DPP10: variants seen among roughly 807,000 people sequenced by gnomAD.
DPP10 encodes inactive dipeptidyl peptidase 10.
In DPP10, 33 loss-of-function variants were observed where a neutral mutation model predicts 120.9. The observed-to-expected ratio is 0.27, with a 90% confidence interval of 0.21 to 0.37. DPP10 has a LOEUF of 0.37. DPP10 is among the 10% of genes least tolerant of loss of function. The probability of loss-of-function intolerance (pLI) is 1.00; values close to 1 mark genes in which losing one functional copy is unlikely to be tolerated. For missense variants in DPP10, 816 were observed against 942.8 expected, an observed-to-expected ratio of 0.87 and a Z score of 1.76; for synonymous variants, 337 against 326.1, an observed-to-expected ratio of 1.03 and a Z score of -0.36.
At chr2:114,956,986 CAAA>C (rs764400761) in intron 1 of DPP10, among the ~76,000 whole-genome samples, 1 of 106,968 alleles carries the variant, frequency 9.3e-6, no homozygotes, top group Non-Finnish European at 1.9e-5. Flanking sequence ...TAAAACTATT[CAAA>C]AAAAAAAAAA....
Position 115,044,722 on chromosome 2 carries a change from A to G in DPP10, c.61-264517A>G, listed in dbSNP as rs552594286. Among the ~76,000 whole-genome samples the G allele has an allele frequency of 2.6e-3, 399 of 152,278 alleles. 2 individuals are homozygous for G. The highest frequency in any genetic ancestry group is 3.8e-3 in the Non-Finnish European group (261 of 68,016). On this transcript the variant is annotated intron_variant, in intron 1 of 25. Coordinates refer to ENST00000410059, the MANE Select transcript of DPP10 (RefSeq NM_020868.6). ...GATCTTATTCATTCTATCTAATTAT[A>G]TTTAGGTACTCGTTAACCATTCTCA... is the stretch of plus-strand genomic sequence containing the variant.
intron 1 of DPP10, among the ~76,000 whole-genome samples, chr2:114,942,277 A>T (rs1696962446): frequency 6.9e-6 from 1 of 144,230 alleles, no homozygotes; most frequent in Admixed American, 7.1e-5. Flanking sequence ...TGTCTCAAAA[A>T]AAAAAATGTG....
chr2:114,963,832 G>A (rs1023491960), intron 1 of DPP10, among the ~76,000 whole-genome samples: 4 of 152,202 alleles, frequency 2.6e-5, no homozygotes, highest in African/African-American at 9.6e-5. Context: ...AGCTAGATAA[G>A]AAGTGAAGTC....
chr2:114,867,939 A>G (rs184935508), intron 1 of DPP10, among the ~76,000 whole-genome samples: 95 of 152,352 alleles, frequency 6.2e-4, no homozygotes, highest in Admixed American at 1.6e-3. Flanking sequence ...TTAGATCTGA[A>G]TATGGAGTTA....
intron 1 of DPP10, among the ~76,000 whole-genome samples, chr2:115,240,372 CAT>C (rs573092517): frequency 4.6e-5 from 7 of 152,226 alleles, no homozygotes; most frequent in African/African-American, 9.6e-5. Context: ...AGCTTTTTTT[CAT>C]ATGTTTGTTG....
At chr2:115,049,786 G>T (rs748226062) in intron 1 of DPP10, among the ~76,000 whole-genome samples, 1 of 152,128 alleles carries the variant, frequency 6.6e-6, no homozygotes, top group Non-Finnish European at 1.5e-5. Context: ...AGTTCTCATG[G>T]TTCCCTTTTC....
At chr2:114,943,056 C>T (rs1181256095) in intron 1 of DPP10, among the ~76,000 whole-genome samples, 1 of 152,050 alleles carries the variant, frequency 6.6e-6, no homozygotes, top group East Asian at 1.9e-4. Context: ...TCTAGCCCTC[C>T]ACCCCCCAGC....
chr2:114,838,535 G>C (rs1687914808), intron 1 of DPP10, among the ~76,000 whole-genome samples: 1 of 152,042 alleles, frequency 6.6e-6, no homozygotes, highest in Non-Finnish European at 1.5e-5. Flanking sequence ...AGTTGGTCTT[G>C]AACTTCTGAC....
At chr2:114,568,161 G>GT (rs1334893288) in intron 1 of DPP10, among the ~76,000 whole-genome samples, 2 of 151,176 alleles carry the variant, frequency 1.3e-5, no homozygotes, top group Admixed American at 6.6e-5. Context: ...CTTCCCCATA[G>GT]TTTTTTTTCT....
rs1699057759 is a variant in DPP10 at position 114,966,707 on chromosome 2, C to A, written c.61-342532C>A. The stretch of plus-strand genomic sequence containing the variant: ...TATGATCTTGACCAGAGGAATTTCA[C>A]CTCAAAGGTGGAGGCAAAATCATGA... On this transcript the variant is annotated intron_variant, in intron 1 of 25. Coordinates refer to ENST00000410059, the MANE Select transcript of DPP10 (RefSeq NM_020868.6). 2.0e-5 allele frequency among the ~76,000 whole-genome samples: 3 copies of A among 152,192 alleles called. No individual in the cohort carries two copies. The South Asian group carries it at 6.2e-4, about 31-fold the overall frequency.
chr2:115,805,292 A>C (rs1685796272), intron 19 of DPP10, among the ~76,000 whole-genome samples: 1 of 152,118 alleles, frequency 6.6e-6, no homozygotes, highest in South Asian at 2.1e-4. Flanking sequence ...GCAAAGTATT[A>C]GGGTGGGAGT....
At chr2:114,822,279 G>A (rs1010804144) in intron 1 of DPP10, among the ~76,000 whole-genome samples, 12 of 152,262 alleles carry the variant, frequency 7.9e-5, no homozygotes, top group Non-Finnish European at 1.6e-4. Flanking sequence ...CTTGAGGCTT[G>A]CACTCTGAAG....
At chr2:115,639,464 C>T (rs1400979089) in intron 5 of DPP10, among the ~76,000 whole-genome samples, 7 of 152,042 alleles carry the variant, frequency 4.6e-5, no homozygotes, top group Non-Finnish European at 8.8e-5. Flanking sequence ...TAACAGGAAA[C>T]GAAGTCAGGT....
At chr2:114,791,006 G>T (rs533092499) in intron 1 of DPP10, among the ~76,000 whole-genome samples, 1 of 152,198 alleles carries the variant, frequency 6.6e-6, no homozygotes, top group Non-Finnish European at 1.5e-5. Context: ...AAAAAAGAAG[G>T]GGAGAAAGTA....
intron 3 of DPP10, among the ~76,000 whole-genome samples, chr2:115,373,120 C>T (rs960582167): frequency 6.6e-6 from 1 of 152,170 alleles, no homozygotes; most frequent in Non-Finnish European, 1.5e-5. Flanking sequence ...GAGGATGGGA[C>T]ATCTTAGCTG....
intron 1 of DPP10, among the ~76,000 whole-genome samples, chr2:114,957,653 T>C (rs531889409): frequency 6.6e-6 from 1 of 152,352 alleles, no homozygotes; most frequent in Admixed American, 6.5e-5. Context: ...TAAGTGTTCA[T>C]TGGTGCCTTG....
chr2:115,512,801 G>A (rs1363692722), intron 4 of DPP10, among the ~76,000 whole-genome samples: 4 of 151,754 alleles, frequency 2.6e-5, no homozygotes, highest in African/African-American at 7.3e-5. Context: ...AACATGTTTT[G>A]TGGCCTAACA....
At chr2:114,565,923 C>T (rs796789567) in intron 1 of DPP10, among the ~76,000 whole-genome samples, 43 of 152,254 alleles carry the variant, frequency 2.8e-4, no homozygotes, top group African/African-American at 1.0e-3. Context: ...TTATTAAGTA[C>T]CTCCCTCTGT....
intron 1 of DPP10, among the ~76,000 whole-genome samples, chr2:114,901,102 G>A (rs1456742952): frequency 6.6e-6 from 1 of 152,144 alleles, no homozygotes; most frequent in Non-Finnish European, 1.5e-5. Flanking sequence ...AAAGAATGGT[G>A]AAATCAGTGA....
Sources: gnomAD v4.1 joint callset for allele counts (sites outside exome capture counted in the v4.1 genomes callset) on GRCh38, gnomAD v4.1.1 for gene constraint, MANE v1.5 for transcripts, NCBI Gene and HGNC (gene_info 2026-07-23, HGNC 2026-07-21) for gene names.